Variants in TEX9 observed in about 807,000 individuals in gnomAD.
TEX9 encodes the protein testis expressed 9, also known as testis-expressed protein 9.
Under a neutral mutation model 59.6 loss-of-function variants are expected in TEX9, and 74 were observed. That is an observed-to-expected ratio of 1.24 (90% CI 1.03 to 1.51). The LOEUF (loss-of-function observed/expected upper bound fraction) is 1.51, where lower values mean the gene tolerates loss of function less well. Among genes scored for constraint, TEX9 ranks in the 40% most tolerant of loss-of-function variants. TEX9 has a pLI of 0.00. For missense variants in TEX9, 522 were observed against 447.8 expected (o/e 1.17, Z -1.49); for synonymous variants, 186 against 152.2 (o/e 1.22, Z -1.64).
At chr15:56,449,860 A>C (rs1211692095), downstream of TEX9, among the ~76,000 whole-genome samples, 1 of 152,176 alleles carries the variant, frequency 6.6e-6, no homozygotes, top group Non-Finnish European at 1.5e-5. Context: ...ATATCCTGCT[A>C]TGGTCCATTA....
At chr15:56,379,759 T>C (rs527745497) in intron 3 of TEX9, among the ~76,000 whole-genome samples, 2 of 152,352 alleles carry the variant, frequency 1.3e-5, no homozygotes, top group African/African-American at 4.8e-5. Flanking sequence ...TTATATCCTG[T>C]TGCTGGATTG....
At chr15:56,323,317 A>C (rs2045943285) in intron 1 of TEX9, 1 of 205,240 alleles carries the variant, frequency 4.9e-6, no homozygotes, top group Admixed American at 4.5e-5. Context: ...GTGGACATGA[A>C]AAAGTAATGA....
chr15:56,273,685 TGAAA>T, intron 1 of TEX9, among the ~76,000 whole-genome samples: 1 of 152,370 alleles, frequency 6.6e-6, no homozygotes, highest in South Asian at 2.1e-4. Context: ...TCTTTATGTA[TGAAA>T]GATAGTTCTG....
At chr15:56,281,561 C>T (rs1014640175) in intron 1 of TEX9, among the ~76,000 whole-genome samples, 1 of 152,184 alleles carries the variant, frequency 6.6e-6, no homozygotes, top group Admixed American at 6.5e-5. Flanking sequence ...CCGCCCCACT[C>T]TTAAGTCCGT....
chr15:56,405,338 G>A (rs183195898), intron 9 of TEX9, among the ~76,000 whole-genome samples: 2 of 151,026 alleles, frequency 1.3e-5, no homozygotes, highest in East Asian at 1.9e-4. Context: ...AGGAAACTGA[G>A]TTTGTTGGTT....
At chr15:56,402,141 C>G (rs1456699940) in intron 9 of TEX9, among the ~76,000 whole-genome samples, 1 of 152,128 alleles carries the variant, frequency 6.6e-6, no homozygotes, top group South Asian at 2.1e-4. Context: ...CAGAGCAGAA[C>G]TGAAGGAGAT....
intron 12 of TEX9, among the ~76,000 whole-genome samples, chr15:56,430,635 G>C (rs1217257569): frequency 6.6e-6 from 1 of 152,200 alleles, no homozygotes; most frequent in African/African-American, 2.4e-5. Flanking sequence ...CTCAAGCTCA[G>C]TTCAACCATG....
intron 1 of TEX9, among the ~76,000 whole-genome samples, chr15:56,251,247 C>A (rs538034497): frequency 1.3e-5 from 2 of 152,240 alleles, no homozygotes; most frequent in South Asian, 4.2e-4. Flanking sequence ...TTGTTTTCTC[C>A]GTTTAAAATG....
intron 12 of TEX9, among the ~76,000 whole-genome samples, chr15:56,433,735 A>G (rs1175347996): frequency 6.6e-6 from 1 of 152,204 alleles, no homozygotes; most frequent in Admixed American, 6.6e-5. Flanking sequence ...GGCTTCCCTT[A>G]GAAAAGCCCA....
chr15:56,281,536 A>G (rs1211507927), intron 1 of TEX9, among the ~76,000 whole-genome samples: 1 of 152,082 alleles, frequency 6.6e-6, no homozygotes, highest in African/African-American at 2.4e-5. Flanking sequence ...TCATCCTAAA[A>G]CCATCCCTCA....
intron 1 of TEX9, among the ~76,000 whole-genome samples, chr15:56,267,882 G>A (rs2044425709): frequency 6.6e-6 from 1 of 152,192 alleles, no homozygotes; most frequent in African/African-American, 2.4e-5. Flanking sequence ...TTGGTAGCTT[G>A]ATGGGGATGG....
chr15:56,368,446 C>T lies in TEX9; in HGVS notation c.119+2776C>T, dbSNP rs548247601. Among the ~76,000 whole-genome samples, 27 of 152,072 alleles carry T rather than the reference C, an allele frequency of 1.8e-4. No homozygotes were observed. In the South Asian group the frequency reaches 3.7e-3, roughly 21 times the overall value. On this transcript the variant is annotated intron_variant, in intron 2 of 12. Transcript: ENST00000352903. Reference sequence around the variant, plus strand: ...ATCATTCTGTCTGTATGAAAGAAGCCGAATAGTTTTCCTTTTTTGATTCTT... The same window carrying T: ...ATCATTCTGTCTGTATGAAAGAAGCTGAATAGTTTTCCTTTTTTGATTCTT...
At chr15:56,384,112 CA>C (rs1445843820) in intron 4 of TEX9, 81 bp downstream of exon 4, 1 of 1,104,448 alleles carries the variant, frequency 9.1e-7, no homozygotes, top group Non-Finnish European at 1.3e-6. Context: ...TGCATGCAAA[CA>C]TTGAAAAATC....
chr15:56,396,760 A>T (rs3985756), intron 9 of TEX9: 5,149 of 152,086 alleles, frequency 0.034, 217 homozygotes, highest in East Asian at 0.097. Flanking sequence ...ATGGTTTTAA[A>T]AGGGAGAGTT....
chr15:56,359,913 G>A (rs1272451037), intron 1 of TEX9, among the ~76,000 whole-genome samples: 1 of 152,108 alleles, frequency 6.6e-6, no homozygotes, highest in African/African-American at 2.4e-5. Flanking sequence ...TTTCCCTGTA[G>A]TCCTAGTTTT....
At chr15:56,435,725 G>C (rs1329819945) in intron 12 of TEX9, among the ~76,000 whole-genome samples, 1 of 151,872 alleles carries the variant, frequency 6.6e-6, no homozygotes, top group African/African-American at 2.4e-5. Flanking sequence ...GGTTTCACTA[G>C]AAAATTCTAT....
intron 10 of TEX9, among the ~76,000 whole-genome samples, chr15:56,423,609 A>G (rs1469449673): frequency 1.3e-5 from 2 of 152,054 alleles, no homozygotes; most frequent in Non-Finnish European, 2.9e-5. Flanking sequence ...TGCAACCATC[A>G]CCACAATCAA....
At chr15:56,370,290 TTTTG>T (rs2047137040) in intron 2 of TEX9, among the ~76,000 whole-genome samples, 1 of 152,168 alleles carries the variant, frequency 6.6e-6, no homozygotes, top group Non-Finnish European at 1.5e-5. Flanking sequence ...TACTTTGTTG[TTTTG>T]AATACACCCA....
chr15:56,348,522 A>T (rs1383685953), intron 1 of TEX9, among the ~76,000 whole-genome samples: 3 of 152,054 alleles, frequency 2.0e-5, no homozygotes, highest in African/African-American at 7.2e-5. Flanking sequence ...TAAACAACTC[A>T]GGGTTGATGG....
Sources: allele counts gnomAD v4.1 joint callset (sites outside exome capture counted in the v4.1 genomes callset), GRCh38; gene constraint gnomAD v4.1.1; transcripts MANE v1.5; gene names NCBI Gene and HGNC (gene_info 2026-07-23, HGNC 2026-07-21).